Variants in PALLD observed in about 807,000 individuals in gnomAD.
PALLD encodes the protein palladin, cytoskeletal associated protein, also known as palladin.
In PALLD, 61 loss-of-function variants were observed where a neutral mutation model predicts 123.5. The observed-to-expected ratio is 0.49, with a 90% CI of 0.40 to 0.61. The LOEUF is 0.61. PALLD is among the 20% of genes least tolerant of loss of function. PALLD has a pLI of 0.00. For missense variants in PALLD, 1,273 were observed against 1,377.0 expected (o/e 0.92, Z 1.20); for synonymous variants, 465 against 496.4 (o/e 0.94, Z 0.84).
chr4:168,671,437 G>A (rs932094846), intron 3 of PALLD, among the ~76,000 whole-genome samples: 2 of 152,178 alleles, frequency 1.3e-5, no homozygotes, highest in African/African-American at 4.8e-5. Flanking sequence ...TGACACTGCT[G>A]AACTTACTGA....
At chr4:168,646,534 C>G (rs1441381760) in intron 2 of PALLD, among the ~76,000 whole-genome samples, 1 of 152,172 alleles carries the variant, frequency 6.6e-6, no homozygotes, top group African/African-American at 2.4e-5. Context: ...CAGAACCAAT[C>G]CTAACCCTCA....
intron 10 of PALLD, among the ~76,000 whole-genome samples, chr4:168,813,247 A>G (rs1270766568): frequency 2.0e-5 from 3 of 152,162 alleles, no homozygotes; most frequent in Admixed American, 1.3e-4. Flanking sequence ...TGATGAAAGT[A>G]TTATTGATTT....
At chr4:168,518,885 G>T (rs1004249631) in intron 2 of PALLD, among the ~76,000 whole-genome samples, 2 of 152,088 alleles carry the variant, frequency 1.3e-5, no homozygotes, top group Non-Finnish European at 2.9e-5. Context: ...GCATGTAACA[G>T]GTGCTCAATA....
At chr4:168,911,498 C>CT (rs532821606) in intron 15 of PALLD, among the ~76,000 whole-genome samples, 190 of 152,292 alleles carry the variant, frequency 1.2e-3, no homozygotes, top group African/African-American at 4.1e-3. Flanking sequence ...TAAAACAATA[C>CT]ACACACTTCC....
chr4:168,652,810 G>A (rs755760709), intron 2 of PALLD, among the ~76,000 whole-genome samples: 10 of 152,176 alleles, frequency 6.6e-5, no homozygotes, highest in African/African-American at 1.9e-4. Context: ...TTTACAGCTA[G>A]TGTGTCCCCA....
At chr4:168,684,906 A>G (rs1781882002) in intron 5 of PALLD, among the ~76,000 whole-genome samples, 1 of 152,122 alleles carries the variant, frequency 6.6e-6, no homozygotes, top group Non-Finnish European at 1.5e-5. Flanking sequence ...ACAAAGAAAT[A>G]TTTTCCATTC....
intron 10 of PALLD, among the ~76,000 whole-genome samples, chr4:168,813,165 T>G (rs1225655983): frequency 6.6e-6 from 1 of 152,136 alleles, no homozygotes; most frequent in African/African-American, 2.4e-5. Context: ...ACCGAGGTGA[T>G]GTATTTTTTC....
chr4:168,781,075 TC>T (rs1462401369), intron 10 of PALLD, among the ~76,000 whole-genome samples: 1 of 152,146 alleles, frequency 6.6e-6, no homozygotes, highest in African/African-American at 2.4e-5. Context: ...ACAGAATACT[TC>T]CCTGAAAAAA....
At chr4:168,642,826 T>C (rs1291811603) in intron 2 of PALLD, among the ~76,000 whole-genome samples, 1 of 152,258 alleles carries the variant, frequency 6.6e-6, no homozygotes, top group African/African-American at 2.4e-5. Context: ...GGGAAGAAAC[T>C]GCTTTTCCTG....
At chr4:168,660,490 T>C (rs550078361) in intron 2 of PALLD, among the ~76,000 whole-genome samples, 1 of 152,330 alleles carries the variant, frequency 6.6e-6, no homozygotes, top group African/African-American at 2.4e-5. Context: ...ATCCTGCTAG[T>C]GCGATAATGT....
intron 3 of PALLD, among the ~76,000 whole-genome samples, chr4:168,669,800 G>GCACACACACACACACACACACACA (rs10637670): frequency 6.8e-6 from 1 of 147,932 alleles, no homozygotes; most frequent in African/African-American, 2.5e-5. Context: ...CTTACAAAAT[G>GCACACACACACACACACACACACA]CACACACACA....
chr4:168,704,967 G>A (rs1784089338), intron 8 of PALLD, among the ~76,000 whole-genome samples: 1 of 152,020 alleles, frequency 6.6e-6, no homozygotes, highest in Admixed American at 6.6e-5. Flanking sequence ...TCAGAAGTTT[G>A]AAATAAACTT....
At position 168,506,970 on chromosome 4, in the gene PALLD, T is replaced by C. The variant is rs144646390; in HGVS notation, c.-82-4453T>C. ...TTATTCGAAGGATTCTATCTTCTCC[T>C]TCTTTTTTCCTCGATGACCTTATGC... is the stretch of plus-strand genomic sequence containing the variant. On this transcript the variant is annotated intron_variant, in intron 1 of 21. Transcript: ENST00000505667. Among the ~76,000 whole-genome samples the C allele has an allele frequency of 6.2e-4, 93 of 149,446 alleles. 1 individual carries two copies. Among genetic ancestry groups the C allele is most frequent in the African/African-American group, 2.2e-3 (89 of 41,372 alleles).
At chr4:168,896,038 C>T (rs540775172) in intron 12 of PALLD, among the ~76,000 whole-genome samples, 43 of 152,168 alleles carry the variant, frequency 2.8e-4, no homozygotes, top group South Asian at 2.5e-3. Flanking sequence ...GGTGAAACCC[C>T]GTCTCTACTG....
intron 2 of PALLD, among the ~76,000 whole-genome samples, chr4:168,649,916 C>T (rs540934808): frequency 7.2e-5 from 11 of 152,216 alleles, no homozygotes; most frequent in South Asian, 6.2e-4. Flanking sequence ...TGGTGGCTCA[C>T]GCCTGTAATC....
intron 2 of PALLD, among the ~76,000 whole-genome samples, chr4:168,542,508 G>T (rs1554038534): frequency 6.6e-6 from 1 of 151,246 alleles, no homozygotes; most frequent in Non-Finnish European, 1.5e-5. Context: ...GTACTTTGTT[G>T]AGTGCTCCCA....
chr4:168,796,686 A>G (rs981245727), intron 10 of PALLD, among the ~76,000 whole-genome samples: 2 of 152,352 alleles, frequency 1.3e-5, no homozygotes, highest in African/African-American at 2.4e-5. Context: ...CAGAACGTCA[A>G]TGCCATTAGG....
chr4:168,856,479 T>C (rs1748625297), intron 10 of PALLD, among the ~76,000 whole-genome samples: 1 of 152,214 alleles, frequency 6.6e-6, no homozygotes, highest in Non-Finnish European at 1.5e-5. Context: ...GTATAAGCAT[T>C]CCCTTTTCTC....
intron 2 of PALLD, among the ~76,000 whole-genome samples, chr4:168,643,920 G>A (rs762834299): frequency 2.0e-5 from 3 of 152,008 alleles, no homozygotes; most frequent in Non-Finnish European, 4.4e-5. Context: ...ATTCATTCAT[G>A]GAGGAAATGA....
Sources: gnomAD v4.1 joint callset for allele counts (sites outside exome capture counted in the v4.1 genomes callset) on GRCh38, gnomAD v4.1.1 for gene constraint, MANE v1.5 for transcripts, NCBI Gene and HGNC (gene_info 2026-07-23, HGNC 2026-07-21) for gene names.